Variants in ITPRID1 observed in about 807,000 individuals in gnomAD.
The protein encoded by ITPRID1 is protein ITPRID1.
Under a neutral mutation model 95.4 loss-of-function variants are expected in ITPRID1, and 96 were observed. That is an observed-to-expected ratio of 1.01 (90% CI 0.85 to 1.19). ITPRID1 has a LOEUF of 1.19. Among genes scored for constraint, ITPRID1 ranks in the 50% most tolerant of loss-of-function variants. The probability of loss-of-function intolerance (pLI) is 0.00; values close to 1 mark genes in which losing one functional copy is unlikely to be tolerated. For missense variants in ITPRID1, 1,339 were observed against 1,252.9 expected, an observed-to-expected ratio of 1.07 and a Z score of -1.04; for synonymous variants, 510 against 453.6, an observed-to-expected ratio of 1.12 and a Z score of -1.58.
At chr7:31,646,329 G>C (rs983179291) in intron 12 of ITPRID1, among the ~76,000 whole-genome samples, 7 of 152,126 alleles carry the variant, frequency 4.6e-5, no homozygotes, top group Admixed American at 3.9e-4. Flanking sequence ...GGGGTGTCCT[G>C]ATGAATTTGC....
In ITPRID1 at chr7:31,642,214, A is replaced by T; in HGVS notation, c.1267A>T (p.Ser423Cys). The T allele has an allele frequency of 6.4e-7, 1 of 1,561,064 alleles. No individual in the cohort carries two copies. The highest frequency in any genetic ancestry group is 2.0e-4 in the Middle Eastern group (1 of 5,126). ...VDRANSCQSD[S>C]SGFLEEPLEP... ...CAGAGCAAATAGCTGCCAGTCTGAC[A>T]GCAGCGGGTTCCTGGAGGAGCCGCT... Residue 423 changes from serine (S) to cysteine (C), a missense_variant, in exon 11 of 15, where the codon AGC (serine) becomes TGC (cysteine). Coordinates refer to ENST00000615280, the MANE Select transcript of ITPRID1 (RefSeq NM_001257967.3).
intron 10 of ITPRID1, among the ~76,000 whole-genome samples, chr7:31,627,774 G>A (rs897477129): frequency 6.6e-6 from 1 of 151,622 alleles, no homozygotes; most frequent in African/African-American, 2.4e-5. Flanking sequence ...TTTAAGCTTG[G>A]GTGGTTTATG....
intron 12 of ITPRID1, among the ~76,000 whole-genome samples, chr7:31,650,532 A>C (rs1790855156): frequency 6.6e-6 from 1 of 152,174 alleles, no homozygotes; most frequent in Non-Finnish European, 1.5e-5. Context: ...GACAAAGTTC[A>C]ATTCTAGATT....
intron 1 of ITPRID1, among the ~76,000 whole-genome samples, chr7:31,520,313 T>G (rs1247116522): frequency 6.6e-6 from 1 of 152,198 alleles, no homozygotes; most frequent in African/African-American, 2.4e-5. Flanking sequence ...TTCTGCACTG[T>G]TAAGTTACGC....
intron 8 of ITPRID1, among the ~76,000 whole-genome samples, chr7:31,577,140 A>C (rs1189961325): frequency 2.0e-5 from 3 of 152,230 alleles, no homozygotes; most frequent in African/African-American, 7.2e-5. Context: ...ACTGAGGAGA[A>C]TATATCCCCT....
In ITPRID1 at chr7:31,651,270, G is replaced by A; in HGVS notation, c.2711+1G>A. On this transcript the variant is annotated splice_donor_variant, in intron 13 of 14. Coordinates refer to ENST00000615280, the MANE Select transcript of ITPRID1 (RefSeq NM_001257967.3). LOFTEE classifies it high-confidence loss of function. ...CCAGGGACATGTCAGAGGAGGAAAG[G>A]TAATTACCTAAGGGAGCCATAAAAG... 6.2e-7 allele frequency: 1 copy of A among 1,612,652 alleles called. No individual in the cohort carries two copies.
intron 10 of ITPRID1, among the ~76,000 whole-genome samples, chr7:31,631,678 A>G (rs1343486857): frequency 6.6e-6 from 1 of 152,214 alleles, no homozygotes; most frequent in Non-Finnish European, 1.5e-5. Context: ...AAGGAAGGAA[A>G]GAAGGGAGGA....
chr7:31,555,012 A>G lies in ITPRID1; in HGVS notation c.256+111A>G. ...GCATTATCAGAGGCTTCTAGAAATG[A>G]TCAGCCCTCAAAAACTATCCAGCTC... On this transcript the variant is annotated intron_variant, in intron 5 of 14. Coordinates refer to ENST00000615280, the MANE Select transcript of ITPRID1 (RefSeq NM_001257967.3). 3 of 814,638 alleles carry G rather than the reference A, an allele frequency of 3.7e-6. No individual in the cohort carries two copies. In the South Asian group the frequency reaches 4.9e-5, roughly 13 times the overall value. 50.5% of individuals were successfully genotyped at this position (814,638 alleles called of 1,614,324 possible). A position where few individuals can be genotyped will look rare whatever the true frequency, so the allele number is the denominator to read the frequency against.
intron 5 of ITPRID1, among the ~76,000 whole-genome samples, chr7:31,562,276 G>A (rs972653303): frequency 1.3e-5 from 2 of 152,124 alleles, no homozygotes; most frequent in Non-Finnish European, 2.9e-5. Context: ...ATTAGCACTT[G>A]TTTAACAACA....
intron 5 of ITPRID1, among the ~76,000 whole-genome samples, chr7:31,562,765 A>G (rs980935362): frequency 6.6e-6 from 1 of 152,106 alleles, no homozygotes; most frequent in African/African-American, 2.4e-5. Flanking sequence ...TTCTCATTAT[A>G]TTCCTAGTTC....
At chr7:31,552,422 G>C (rs1784311358) in intron 2 of ITPRID1, among the ~76,000 whole-genome samples, 1 of 152,102 alleles carries the variant, frequency 6.6e-6, no homozygotes, top group South Asian at 2.1e-4. Flanking sequence ...TGAATGTATA[G>C]AATTCAGCAT....
At chr7:31,657,822 A>ACTC (rs1333872704), downstream of ITPRID1, among the ~76,000 whole-genome samples, 1 of 152,214 alleles carries the variant, frequency 6.6e-6, no homozygotes, top group African/African-American at 2.4e-5. Flanking sequence ...ATGAGACCAA[A>ACTC]CTCAAGTTTA....
intron 10 of ITPRID1, among the ~76,000 whole-genome samples, chr7:31,607,694 A>C (rs200380999): frequency 1.3e-4 from 20 of 151,308 alleles, no homozygotes; most frequent in East Asian, 5.9e-4. Flanking sequence ...CATGCCCTTC[A>C]GTTTTAAATT....
chr7:31,636,486 T>G (rs1315430459), intron 10 of ITPRID1, among the ~76,000 whole-genome samples: 1 of 152,192 alleles, frequency 6.6e-6, no homozygotes, highest in Non-Finnish European at 1.5e-5. Context: ...GTACAAGTCT[T>G]GCATCAAAAC....
At chr7:31,575,587 G>T (rs1785152314) in intron 8 of ITPRID1, among the ~76,000 whole-genome samples, 1 of 152,128 alleles carries the variant, frequency 6.6e-6, no homozygotes, top group African/African-American at 2.4e-5. Flanking sequence ...CCTCCTAGAG[G>T]GGATGCAGTG....
In ITPRID1 at chr7:31,628,456, TTTTTC is replaced by T. The variant is rs377558944; in HGVS notation, c.1229-13715_1229-13711del. 9.8e-3 allele frequency among the ~76,000 whole-genome samples: 1,465 copies of T among 150,156 alleles called. 11 individuals are homozygous for T. Among genetic ancestry groups the T allele is most frequent in the African/African-American group, 0.024 (961 of 40,146 alleles). ...AAACACAAGCGTGATTCCTTTTTTT[TTTTTC>T]TTTTTTTTTCTTTTTTTGAGGAGTC... On this transcript the variant is annotated intron_variant, in intron 10 of 14. Transcript: ENST00000615280.
intron 10 of ITPRID1, among the ~76,000 whole-genome samples, chr7:31,623,871 C>A (rs956954490): frequency 6.6e-6 from 1 of 151,968 alleles, no homozygotes; most frequent in Non-Finnish European, 1.5e-5. Flanking sequence ...TGTAGAAAAC[C>A]CCATTGTCTC....
At chr7:31,550,143 T>C (rs1273791783) in intron 2 of ITPRID1, among the ~76,000 whole-genome samples, 1 of 152,100 alleles carries the variant, frequency 6.6e-6, no homozygotes, top group African/African-American at 2.4e-5. Context: ...TTCAAGGCAT[T>C]TGTTTATTTA....
intron 1 of ITPRID1, among the ~76,000 whole-genome samples, chr7:31,521,904 ATTTT>A (rs55777151): frequency 0.23 from 27,750 of 118,952 alleles, 2,945 homozygotes; most frequent in East Asian, 0.39. Context: ...GGCTAATTTA[ATTTT>A]TTTTTTTTTT....
Sources: gnomAD v4.1 joint callset for allele counts (sites outside exome capture counted in the v4.1 genomes callset) on GRCh38, gnomAD v4.1.1 for gene constraint, MANE v1.5 for transcripts, NCBI Gene and HGNC (gene_info 2026-07-23, HGNC 2026-07-21) for gene names.